The following MTRES1 variants were observed in gnomAD, a reference collection of about 807,000 sequenced individuals.
The protein encoded by MTRES1 is mitochondrial transcription rescue factor 1, also known as uncharacterized protein C6orf203.
Under a neutral mutation model 17.4 loss-of-function variants are expected in MTRES1, and 11 were observed. The ratio of observed to expected loss-of-function variants is 0.63; its 90% CI spans 0.40 to 1.05. The LOEUF (loss-of-function observed/expected upper bound fraction) is 1.05. Among genes scored for constraint, MTRES1 ranks in the 50% least tolerant of loss-of-function variants. The pLI is 0.00. For missense variants in MTRES1, 268 were observed against 276.2 expected (o/e 0.97, Z 0.21); for synonymous variants, 94 against 99.6 (o/e 0.94, Z 0.34).
At chr6:107,030,059 T>C (rs1554226232) in intron 1 of MTRES1, 1 of 718,448 alleles carries the variant, frequency 1.4e-6, no homozygotes, top group East Asian at 2.7e-5. Context: ...ATCTTCGTAT[T>C]TTTTTCCTCT....
rs1774130420 is a variant in MTRES1 at position 107,039,794 on chromosome 6, G to A, written c.34G>A (p.Val12Ile). The A allele has an allele frequency of 8.7e-6, 14 of 1,609,200 alleles. No homozygotes were observed. The East Asian group carries it at 3.1e-4, about 36-fold the overall frequency. The change falls in exon 2 of 4, where the codon GTT (valine) becomes ATT (isoleucine). Residue 12 changes from valine (V) to isoleucine (I), a missense_variant. Val to Ile is a conservative substitution (Grantham distance 29). Transcript: ENST00000311381. The part of the protein sequence containing the change: ...AMASVKLLAG[V>I]LRKPDAWIGL... ...GGCTAGTGTTAAATTGCTTGCCGGT[G>A]TTTTAAGAAAGCCAGATGCCTGGAT...
At chr6:107,048,181 C>G (rs1774454177) in intron 3 of MTRES1, among the ~76,000 whole-genome samples, 1 of 152,088 alleles carries the variant, frequency 6.6e-6, no homozygotes, top group African/African-American at 2.4e-5. Context: ...GTTGCCCAGG[C>G]TGGAGTGCAA....
intron 1 of MTRES1, among the ~76,000 whole-genome samples, chr6:107,038,657 T>A (rs1774087002): frequency 6.6e-6 from 1 of 152,242 alleles, no homozygotes; most frequent in South Asian, 2.1e-4. Flanking sequence ...AGATTCACTC[T>A]GGATTTTATG....
At chr6:107,033,364 C>G (rs568184741) in intron 1 of MTRES1, among the ~76,000 whole-genome samples, 57 of 149,770 alleles carry the variant, frequency 3.8e-4, no homozygotes, top group African/African-American at 1.2e-3. Context: ...GACAAAGGGA[C>G]AGGAATTTTT....
At chr6:107,043,320 C>T (rs920899587) in intron 2 of MTRES1, among the ~76,000 whole-genome samples, 1 of 149,578 alleles carries the variant, frequency 6.7e-6, no homozygotes, top group African/African-American at 2.5e-5. Context: ...GGCAATGGAG[C>T]GAGACTCCAT....
chr6:107,037,279 A>G (rs1335527722), intron 1 of MTRES1, among the ~76,000 whole-genome samples: 1 of 152,136 alleles, frequency 6.6e-6, no homozygotes, highest in Non-Finnish European at 1.5e-5. Flanking sequence ...CATGTTGGCC[A>G]GGATGGTCTC....
chr6:107,035,918 GGATTA>G, intron 1 of MTRES1, among the ~76,000 whole-genome samples: 1 of 151,760 alleles, frequency 6.6e-6, no homozygotes, highest in South Asian at 2.1e-4. Context: ...CAAAGTGCTG[GGATTA>G]CAGGTGTGAA....
At chr6:107,029,010 G>A (rs1773731795) in intron 1 of MTRES1, 1 of 339,216 alleles carries the variant, frequency 2.9e-6, no homozygotes, top group Non-Finnish European at 4.1e-6. Flanking sequence ...TATTCCACAG[G>A]GTGTTGTTTT....
At chr6:107,045,266 G>C (rs577114886) in intron 3 of MTRES1, among the ~76,000 whole-genome samples, 8 of 152,146 alleles carry the variant, frequency 5.3e-5, no homozygotes, top group African/African-American at 1.9e-4. Context: ...TGGATCACGA[G>C]GTCAGGAGAT....
chr6:107,035,243 C>T (rs1222780478), intron 1 of MTRES1, among the ~76,000 whole-genome samples: 5 of 151,740 alleles, frequency 3.3e-5, no homozygotes, highest in African/African-American at 4.8e-5. Context: ...AAGCAATTCT[C>T]CTGCCGCAGC....
At chr6:107,049,861 A>G (rs1187411588) in intron 3 of MTRES1, among the ~76,000 whole-genome samples, 1 of 151,464 alleles carries the variant, frequency 6.6e-6, no homozygotes, top group Non-Finnish European at 1.5e-5. Context: ...AGCTGGGATT[A>G]CAGGTGTGTG....
intron 3 of MTRES1, among the ~76,000 whole-genome samples, chr6:107,050,670 G>C (rs1041788602): frequency 6.8e-6 from 1 of 147,922 alleles, no homozygotes; most frequent in Non-Finnish European, 1.5e-5. Context: ...TCTACTTCCC[G>C]GGTCCAAGCG....
intron 1 of MTRES1, among the ~76,000 whole-genome samples, chr6:107,035,543 A>G (rs952164444): frequency 1.1e-4 from 16 of 152,204 alleles, no homozygotes; most frequent in African/African-American, 2.4e-4. Flanking sequence ...TTGGGAGAGT[A>G]TGAGAGGCTG....
rs782482492 is a variant in MTRES1 at position 107,051,033 on chromosome 6, CCT to C, written c.544-21_544-20del. The C allele has an allele frequency of 1.3e-5, 20 of 1,545,348 alleles. No homozygotes were observed. In the African/African-American group the frequency reaches 2.6e-4, roughly 20 times the overall value. ...CTGGATTTCCCGAAGTGTAACCAAGCCTCTGTTTTCTTTTAATTTTCAGGTGA... is the reference window on the plus strand; with the variant it reads ...CTGGATTTCCCGAAGTGTAACCAAGCCTGTTTTCTTTTAATTTTCAGGTGA... On this transcript the variant is annotated intron_variant, in intron 3 of 3. Coordinates refer to ENST00000311381, the MANE Select transcript of MTRES1 (RefSeq NM_016487.5).
At chr6:107,038,843 T>C (rs1554227199) in intron 1 of MTRES1, among the ~76,000 whole-genome samples, 1 of 152,084 alleles carries the variant, frequency 6.6e-6, no homozygotes, top group African/African-American at 2.4e-5. Context: ...TCACCTGAGG[T>C]TGGGAGTTCA....
intron 1 of MTRES1, among the ~76,000 whole-genome samples, chr6:107,037,987 G>C (rs1183471968): frequency 6.6e-6 from 1 of 152,106 alleles, no homozygotes; most frequent in African/African-American, 2.4e-5. Flanking sequence ...CCAAAGTGCT[G>C]GGATTACAGG....
intron 3 of MTRES1, 77 bp from the exon 4 acceptor site, chr6:107,050,980 A>G: frequency 1.6e-6 from 2 of 1,213,722 alleles, no homozygotes; most frequent in Non-Finnish European, 2.4e-6. Context: ...ATGTGGTGAA[A>G]ACTCAGAGCA....
In MTRES1 at chr6:107,043,292, C is replaced by T. The variant is rs971324920; in HGVS notation, c.471-968C>T. On this transcript the variant is annotated intron_variant, in intron 2 of 3. Coordinates refer to ENST00000311381, the MANE Select transcript of MTRES1 (RefSeq NM_016487.5). ...GAAGCTGCAGTGAGCCGAGACCACA[C>T]CACCGCACTCCAGCCTGGGCAATGG... 4.0e-5 allele frequency among the ~76,000 whole-genome samples: 6 copies of T among 151,744 alleles called. 1 individual carries two copies. Among genetic ancestry groups the T allele is most frequent in the Non-Finnish European group, 5.9e-5 (4 of 67,950 alleles).
Position 107,051,424 on chromosome 6 carries a change from C to A in MTRES1, c.*188C>A. ...CTGCCTCACCTCCACCCCCTGCCCACCTTGATCCATGCTCCTTTGACCTCC... is the reference window on the plus strand; with the variant it reads ...CTGCCTCACCTCCACCCCCTGCCCAACTTGATCCATGCTCCTTTGACCTCC... On this transcript the variant is annotated 3_prime_UTR_variant, in exon 4 of 4. Transcript: ENST00000311381. The A allele has an allele frequency of 3.9e-6, 2 of 519,168 alleles. No individual in the cohort carries two copies. Among genetic ancestry groups the A allele is most frequent in the Non-Finnish European group, 6.6e-6 (2 of 301,378 alleles). 32.2% of individuals were successfully genotyped at this position (519,168 alleles called of 1,614,324 possible). A position where few individuals can be genotyped will look rare whatever the true frequency, so the allele number is the denominator to read the frequency against.
Sources: gnomAD v4.1 joint callset for allele counts (sites outside exome capture counted in the v4.1 genomes callset) on GRCh38, gnomAD v4.1.1 for gene constraint, MANE v1.5 for transcripts, NCBI Gene and HGNC (gene_info 2026-07-23, HGNC 2026-07-21) for gene names.